Variants in FOXN2 observed in about 807,000 individuals in gnomAD.
FOXN2 encodes forkhead box protein N2.
FOXN2 carries 19 observed loss-of-function variants against 41.2 expected under a neutral mutation model. The ratio of observed to expected loss-of-function variants is 0.46; its 90% CI spans 0.32 to 0.68. FOXN2 has a LOEUF of 0.68. Ranked by LOEUF, FOXN2 falls within the 30% of genes least tolerant of loss-of-function variation. The pLI, the probability that FOXN2 is intolerant of heterozygous loss-of-function variation, is 0.03. For missense variants in FOXN2, 587 were observed against 509.4 expected (o/e 1.15, Z -1.47); for synonymous variants, 195 against 176.8 (o/e 1.10, Z -0.82).
chr2:48,327,603 G>A (rs370122457), intron 1 of FOXN2, among the ~76,000 whole-genome samples: 53 of 152,072 alleles, frequency 3.5e-4, no homozygotes, highest in African/African-American at 1.1e-3. Context: ...GTGCCACCAC[G>A]CCCAGCTAAT....
intron 4 of FOXN2, 92 bp from the exon 5 acceptor site, chr2:48,362,551 C>A: frequency 9.1e-7 from 1 of 1,099,242 alleles, no homozygotes; most frequent in Non-Finnish European, 1.4e-6. Context: ...CCTGGGCGGC[C>A]AGCAGAGTGA....
intron 1 of FOXN2, among the ~76,000 whole-genome samples, chr2:48,322,514 C>T (rs969608017): frequency 1.3e-5 from 2 of 152,130 alleles, no homozygotes; most frequent in East Asian, 1.9e-4. Context: ...CTCACGCTCA[C>T]GCGGATTCTT....
At chr2:48,335,982 C>T (rs141325985) in intron 2 of FOXN2, among the ~76,000 whole-genome samples, 436 of 150,824 alleles carry the variant, frequency 2.9e-3, no homozygotes, top group Non-Finnish European at 5.7e-3. Context: ...GAGTGAACAT[C>T]GCACCACCGC....
At chr2:48,336,021 C>CT (rs1025987182) in intron 2 of FOXN2, among the ~76,000 whole-genome samples, 4 of 136,410 alleles carry the variant, frequency 2.9e-5, no homozygotes, top group Non-Finnish European at 6.5e-5. Flanking sequence ...GAGCAAGACT[C>CT]TGTCTCAAAA....
chr2:48,361,339 G>A (rs544700103), intron 4 of FOXN2, among the ~76,000 whole-genome samples: 2 of 151,882 alleles, frequency 1.3e-5, no homozygotes, highest in African/African-American at 2.4e-5. Flanking sequence ...GGTGGCACGC[G>A]CCTGTAACCC....
chr2:48,352,022 G>A (rs1671481321), intron 3 of FOXN2, among the ~76,000 whole-genome samples: 1 of 152,042 alleles, frequency 6.6e-6, no homozygotes, highest in Non-Finnish European at 1.5e-5. Context: ...GAATAGAAGT[G>A]TGATGAATAT....
At chr2:48,335,026 A>G (rs1389736521) in intron 2 of FOXN2, among the ~76,000 whole-genome samples, 3 of 152,226 alleles carry the variant, frequency 2.0e-5, no homozygotes, top group African/African-American at 4.8e-5. Context: ...AAAACCTAAC[A>G]TATAATCATC....
At chr2:48,355,554 ATT>A (rs570632099) in intron 3 of FOXN2, among the ~76,000 whole-genome samples, 1 of 147,834 alleles carries the variant, frequency 6.8e-6, no homozygotes, top group African/African-American at 2.5e-5. Context: ...ATGCATGTGG[ATT>A]TTTTTTTTTT....
Position 48,346,685 on chromosome 2 carries a change from G to A in FOXN2, c.471G>A (p.Lys157=). 1 of 1,612,812 alleles carries A rather than the reference G, an allele frequency of 6.2e-7. No individual in the cohort carries two copies. The highest frequency in any genetic ancestry group is 8.5e-7 in the Non-Finnish European group (1 of 1,179,644). ...TTGCTACTGCACCAACAGGCTGGAA[G>A]AATTCTGTTCGACATAATCTGTCCC... The part of the protein sequence containing the change: ...PYFATAPTGW[K]NSVRHNLSLN... Residue 157 remains lysine, a synonymous_variant, in exon 3 of 7, where the codon AAG becomes AAA. Transcript: ENST00000340553.
At chr2:48,361,510 A>G (rs575682629) in intron 4 of FOXN2, among the ~76,000 whole-genome samples, 77 of 152,208 alleles carry the variant, frequency 5.1e-4, no homozygotes, top group African/African-American at 1.8e-3. Flanking sequence ...AGGGTTATAT[A>G]TAACCTTTTG....
intron 1 of FOXN2, among the ~76,000 whole-genome samples, chr2:48,324,033 A>G (rs1243445833): frequency 6.6e-6 from 1 of 152,144 alleles, no homozygotes; most frequent in Non-Finnish European, 1.5e-5. Context: ...TGGAATTAAA[A>G]TAATATTTTA....
chr2:48,322,112 A>AT (rs924421144), intron 1 of FOXN2, among the ~76,000 whole-genome samples: 3 of 151,822 alleles, frequency 2.0e-5, no homozygotes, highest in Admixed American at 2.0e-4. Flanking sequence ...CGCCTAGCTA[A>AT]TTTTTTTGTA....
intron 1 of FOXN2, among the ~76,000 whole-genome samples, chr2:48,316,081 C>G (rs765684967): frequency 6.6e-6 from 1 of 152,000 alleles, no homozygotes; most frequent in African/African-American, 2.4e-5. Flanking sequence ...TGAGGTTTCT[C>G]TGGTAGCCAG....
intron 3 of FOXN2, among the ~76,000 whole-genome samples, chr2:48,354,937 T>C (rs1416576311): frequency 1.3e-5 from 2 of 152,208 alleles, no homozygotes; most frequent in African/African-American, 2.4e-5. Context: ...TTTGAGGACA[T>C]GAGTAAATAT....
chr2:48,328,380 T>TC (rs1669816689), intron 1 of FOXN2, among the ~76,000 whole-genome samples, 181 bp from the exon 2 acceptor site: 1 of 152,232 alleles, frequency 6.6e-6, no homozygotes, highest in Non-Finnish European at 1.5e-5. Context: ...CCTACCCACT[T>TC]CCTTCCATAT....
At chr2:48,372,109 G>C (rs1003720217) in intron 5 of FOXN2, among the ~76,000 whole-genome samples, 1 of 152,096 alleles carries the variant, frequency 6.6e-6, no homozygotes, top group African/African-American at 2.4e-5. Flanking sequence ...TCTTGTTTCA[G>C]TTCTTAGGGG....
In FOXN2 at chr2:48,359,136, A is replaced by G. The variant is rs1672000617; in HGVS notation, c.627A>G (p.Ala209=). The G allele has an allele frequency of 2.5e-6, 4 of 1,612,646 alleles. No homozygotes were observed. The highest frequency in any genetic ancestry group is 3.3e-5 in the Admixed American group (2 of 59,990). ...TGAAGAAGCAACCTTTTTCTTCAGC[A>G]TCTTCACAAAAGTAAGGATCTTCCA... The part of the protein sequence containing the change: ...QALKKQPFSS[A]SSQNGSLSPH... The change falls in exon 4 of 7, where the codon GCA becomes GCG. Residue 209 remains alanine (A), a synonymous_variant. Coordinates refer to ENST00000340553, the MANE Select transcript of FOXN2 (RefSeq NM_002158.4).
chr2:48,334,480 A>T (rs1309501482), intron 2 of FOXN2, among the ~76,000 whole-genome samples: 1 of 144,168 alleles, frequency 6.9e-6, no homozygotes, highest in South Asian at 2.2e-4. Context: ...ACTAATGTAA[A>T]CATCTGTTTC....
chr2:48,313,933 G>A (rs1668707101), upstream of FOXN2, among the ~76,000 whole-genome samples: 2 of 152,212 alleles, frequency 1.3e-5, no homozygotes, highest in Non-Finnish European at 2.9e-5. Flanking sequence ...GCAAAGCTAT[G>A]TTATTATTAT....
Sources: gnomAD v4.1 joint callset for allele counts (sites outside exome capture counted in the v4.1 genomes callset) on GRCh38, gnomAD v4.1.1 for gene constraint, MANE v1.5 for transcripts, NCBI Gene and HGNC (gene_info 2026-07-23, HGNC 2026-07-21) for gene names.